GPR137B: variants seen among roughly 807,000 people sequenced by gnomAD.
GPR137B encodes the protein G protein-coupled receptor 137B.
A neutral mutation model predicts 42.5 loss-of-function variants in GPR137B; 42 were observed. The observed-to-expected ratio is 0.99, with a 90% CI of 0.77 to 1.28. The LOEUF (loss-of-function observed/expected upper bound fraction) is 1.28, where lower values mean the gene tolerates loss of function less well. Ranked by LOEUF, GPR137B falls within the 50% of genes most tolerant of loss-of-function variation. The pLI is 0.00. For missense variants in GPR137B, 487 were observed against 493.9 expected (o/e 0.99, Z 0.13); for synonymous variants, 218 against 209.7 (o/e 1.04, Z -0.34).
Position 236,150,943 on chromosome 1 carries a change from G to T in GPR137B, c.414+7907G>T, listed in dbSNP as rs1661840577. Among the ~76,000 whole-genome samples, 1 of 152,222 alleles carries T rather than the reference G, an allele frequency of 6.6e-6. No homozygotes were observed. The highest frequency in any genetic ancestry group is 2.4e-5 in the African/African-American group (1 of 41,448). ...GCGGGGAGTGGAGGGCAGGGGTCATGACAGTGAGGGGTGGGCTGCCCAGAG... is the reference window on the plus strand; with the variant it reads ...GCGGGGAGTGGAGGGCAGGGGTCATTACAGTGAGGGGTGGGCTGCCCAGAG... On this transcript the variant is annotated intron_variant, in intron 1 of 6. Coordinates refer to ENST00000366592, the MANE Select transcript of GPR137B (RefSeq NM_003272.4). This position sits in a 1 kb window ranked among gnomAD's most constrained non-coding sequence, Gnocchi z 6.2.
chr1:236,194,054 T>A lies in GPR137B; in HGVS notation c.966+10148T>A, dbSNP rs552053740. ...ACTATAATTGAAATTTTGAATTTTT[T>A]AATCTTTTCCTAGGCTAACAATATG... On this transcript the variant is annotated intron_variant, in intron 5 of 6. Transcript: ENST00000366592. Among the ~76,000 whole-genome samples, 205 of 152,330 alleles carry A rather than the reference T, an allele frequency of 1.3e-3. 3 individuals carry two copies. Among genetic ancestry groups the A allele is most frequent in the African/African-American group, 4.7e-3 (195 of 41,568 alleles).
chr1:236,179,830 G>A lies in GPR137B; in HGVS notation c.688-49G>A, dbSNP rs79254074. ...GCAGGTGGGGGCTGGGGAAGGGGCTGGTGTCTTGGACCTGGAGTGTCCCAT... is the reference window on the plus strand; with the variant it reads ...GCAGGTGGGGGCTGGGGAAGGGGCTAGTGTCTTGGACCTGGAGTGTCCCAT... On this transcript the variant is annotated intron_variant, in intron 3 of 6. Transcript: ENST00000366592. 9.9e-4 allele frequency: 1,408 copies of A among 1,421,984 alleles called. 15 individuals carry two copies. The African/African-American group carries it at 0.018, about 18-fold the overall frequency. 88.1% of individuals were successfully genotyped at this position (1,421,984 alleles called of 1,614,324 possible).
intron 5 of GPR137B, among the ~76,000 whole-genome samples, chr1:236,202,523 A>G (rs906735188): frequency 7.9e-5 from 12 of 152,118 alleles, no homozygotes; most frequent in Admixed American, 2.6e-4. Context: ...GCAAAAGTCC[A>G]TGGTGTGACT....
At chr1:236,145,964 T>C (rs934479635) in intron 1 of GPR137B, among the ~76,000 whole-genome samples, 2 of 152,150 alleles carry the variant, frequency 1.3e-5, no homozygotes, top group African/African-American at 4.8e-5. Context: ...TTCAAGCGAT[T>C]CTCCTGCCTC....
chr1:236,208,003 A>G (rs749061401), intron 6 of GPR137B, 47 bp from the exon 7 acceptor site: 25 of 1,360,874 alleles, frequency 1.8e-5, no homozygotes, highest in African/African-American at 1.4e-5. Context: ...TATGTCATAC[A>G]TACTATATAA....
intron 5 of GPR137B, among the ~76,000 whole-genome samples, chr1:236,186,277 A>AATATAAATAATAT (rs1174281631): frequency 5.6e-5 from 1 of 17,970 alleles, no homozygotes; most frequent in South Asian, 1.3e-3. Context: ...TATTATATAT[A>AATATAAATAATAT]ATAATATAAA....
chr1:236,204,400 T>C (rs530262953), intron 5 of GPR137B, among the ~76,000 whole-genome samples: 4 of 152,368 alleles, frequency 2.6e-5, no homozygotes, highest in Admixed American at 2.0e-4. Context: ...AGGGTAATAC[T>C]GGCCTCCTCC....
Position 236,208,268 on chromosome 1 carries a change from ATT to A in GPR137B, c.*112_*113del. 1 of 1,489,358 alleles carries A rather than the reference ATT, an allele frequency of 6.7e-7. No individual in the cohort carries two copies. The highest frequency in any genetic ancestry group is 8.9e-7 in the Non-Finnish European group (1 of 1,123,902). 92.3% of individuals were successfully genotyped at this position (1,489,358 alleles called of 1,614,324 possible). On this transcript the variant is annotated 3_prime_UTR_variant, in exon 7 of 7. Coordinates refer to ENST00000366592, the MANE Select transcript of GPR137B (RefSeq NM_003272.4). ...CCTTAAGAAATAGAACTTGATTTTT[ATT>A]TGTTACAGGTTTCCAATGGCCCCAT...
At chr1:236,188,667 G>A (rs1283046103) in intron 5 of GPR137B, among the ~76,000 whole-genome samples, 1 of 152,180 alleles carries the variant, frequency 6.6e-6, no homozygotes, top group African/African-American at 2.4e-5. Flanking sequence ...CAGATATGAA[G>A]CTGACTTGAT....
intron 1 of GPR137B, among the ~76,000 whole-genome samples, chr1:236,164,215 A>G (rs183820764): frequency 6.6e-6 from 1 of 152,306 alleles, no homozygotes; most frequent in Admixed American, 6.5e-5. Flanking sequence ...TCTGATGCAG[A>G]CTCAGTGCTG....
intron 2 of GPR137B, among the ~76,000 whole-genome samples, chr1:236,175,837 G>T (rs1662671154): frequency 6.6e-6 from 1 of 152,144 alleles, no homozygotes; most frequent in Non-Finnish European, 1.5e-5. Flanking sequence ...AAGCAGCGGG[G>T]CTTGCTTGGT....
chr1:236,144,907 A>G (rs1443882103), intron 1 of GPR137B, among the ~76,000 whole-genome samples: 1 of 152,242 alleles, frequency 6.6e-6, no homozygotes, highest in Non-Finnish European at 1.5e-5. Context: ...TTAGAGCCGG[A>G]TTAGGGGCCG....
intron 5 of GPR137B, among the ~76,000 whole-genome samples, chr1:236,198,373 T>C (rs1047039983): frequency 1.3e-5 from 2 of 151,950 alleles, no homozygotes; most frequent in African/African-American, 4.8e-5. Flanking sequence ...CCTGGCTAAC[T>C]TTTGCATTTT....
At chr1:236,151,001 A>G (rs1476803559) in intron 1 of GPR137B, among the ~76,000 whole-genome samples, 2 of 152,178 alleles carry the variant, frequency 1.3e-5, no homozygotes, top group African/African-American at 4.8e-5. Context: ...ACCCTCTACA[A>G]AATCTCACTG....
At position 236,156,670 on chromosome 1, in the gene GPR137B, A is replaced by G. The variant is rs1348003971; in HGVS notation, c.415-12036A>G. Among the ~76,000 whole-genome samples, 1 of 152,168 alleles carries G rather than the reference A, an allele frequency of 6.6e-6. No homozygotes were observed. Among genetic ancestry groups the G allele is most frequent in the African/African-American group, 2.4e-5 (1 of 41,442 alleles). On this transcript the variant is annotated intron_variant, in intron 1 of 6. Transcript: ENST00000366592. The surrounding 1 kb of genome is among the most constrained non-coding windows in gnomAD (Gnocchi z 4.8). ...CAGAAAGGAGAACTCCGGTGTCTGG[A>G]TTTCGGGGACCGACTGTCTTGTCAC...
At position 236,208,761 on chromosome 1, in the gene GPR137B, G is replaced by A. The variant is rs575338382; in HGVS notation, c.*603G>A. The A allele has an allele frequency of 4.0e-5, 39 of 985,168 alleles. No homozygotes were observed. The highest frequency in any genetic ancestry group is 1.1e-4 in the East Asian group (1 of 8,814). 61.0% of individuals were successfully genotyped at this position (985,168 alleles called of 1,614,324 possible). ...AGATTTTTTTTTTAAGGTTCAGGCC[G>A]TAGGTTCCTCAAGGAATCTCTTAAG... On this transcript the variant is annotated 3_prime_UTR_variant, in exon 7 of 7. Coordinates refer to ENST00000366592, the MANE Select transcript of GPR137B (RefSeq NM_003272.4).
chr1:236,184,384 T>G (rs1271713943), intron 5 of GPR137B, among the ~76,000 whole-genome samples: 1 of 152,218 alleles, frequency 6.6e-6, no homozygotes, highest in Non-Finnish European at 1.5e-5. Context: ...CCTGCTCCCC[T>G]AGTTTGGTCA....
intron 6 of GPR137B, among the ~76,000 whole-genome samples, chr1:236,206,207 T>C (rs1663656910): frequency 6.6e-6 from 1 of 152,224 alleles, no homozygotes; most frequent in Non-Finnish European, 1.5e-5. Flanking sequence ...CATTTAGTCT[T>C]AACAGTCCTG....
intron 2 of GPR137B, among the ~76,000 whole-genome samples, chr1:236,170,968 T>C (rs1224154831): frequency 2.8e-5 from 4 of 141,940 alleles, no homozygotes; most frequent in African/African-American, 1.1e-4. Context: ...ACAGCGACTC[T>C]GTCTCAAAAA....
Sources: gnomAD v4.1 joint callset for allele counts (sites outside exome capture counted in the v4.1 genomes callset) on GRCh38, gnomAD v4.1.1 for gene constraint, Gnocchi (gnomAD v3.1) non-coding constraint, MANE v1.5 for transcripts, NCBI Gene and HGNC (gene_info 2026-07-23, HGNC 2026-07-21) for gene names.